ZNF521: variants seen among roughly 807,000 people sequenced by gnomAD.
ZNF521 encodes the protein LYST-interacting protein 3.
Under a neutral mutation model 105.5 loss-of-function variants are expected in ZNF521, and 14 were observed. The ratio of observed to expected loss-of-function variants is 0.13; its 90% CI spans 0.09 to 0.21. The LOEUF is 0.21. Among genes scored for constraint, ZNF521 ranks in the 10% least tolerant of loss-of-function variants. The pLI, the probability that ZNF521 is intolerant of heterozygous loss-of-function variation, is 1.00. For synonymous variants in ZNF521, 635 were observed against 606.0 expected (o/e 1.05, Z -0.70); for missense variants, 1,233 against 1,629.7 (o/e 0.76, Z 4.19).
chr18:25,288,121 C>T (rs979999018), intron 3 of ZNF521, among the ~76,000 whole-genome samples: 1 of 152,134 alleles, frequency 6.6e-6, no homozygotes, highest in African/African-American at 2.4e-5. Context: ...TGGGCAACAT[C>T]AATAAACTGG....
intron 4 of ZNF521, among the ~76,000 whole-genome samples, chr18:25,197,900 G>C (rs1256222886): frequency 6.6e-6 from 1 of 151,774 alleles, no homozygotes; most frequent in Non-Finnish European, 1.5e-5. Context: ...CCATACTCCA[G>C]GTATGATCTG....
At chr18:25,299,872 A>G (rs1377665514) in intron 3 of ZNF521, among the ~76,000 whole-genome samples, 2 of 152,200 alleles carry the variant, frequency 1.3e-5, no homozygotes, top group Non-Finnish European at 2.9e-5. Context: ...GTGGCAGATT[A>G]TGTTTCCCAA....
intron 5 of ZNF521, among the ~76,000 whole-genome samples, chr18:25,152,714 T>G (rs936737568): frequency 1.3e-5 from 2 of 152,204 alleles, no homozygotes; most frequent in Non-Finnish European, 2.9e-5. Context: ...CTCTCTTGAC[T>G]ACATACATCT....
intron 5 of ZNF521, among the ~76,000 whole-genome samples, chr18:25,141,685 A>G (rs1341088383): frequency 1.3e-5 from 2 of 152,098 alleles, no homozygotes; most frequent in Non-Finnish European, 2.9e-5. Flanking sequence ...AGTTTTCAGG[A>G]GAGTGTTTAT....
chr18:25,081,309 C>A lies in ZNF521; in HGVS notation c.3906+8156G>T, dbSNP rs768918500. Among the ~76,000 whole-genome samples, 3 of 152,112 alleles carry A rather than the reference C, an allele frequency of 2.0e-5. No homozygotes were observed. The East Asian group carries it at 5.8e-4, about 29-fold the overall frequency. ...ACAACAGGGCTGTTGGAGGAGGGAG[C>A]GAGTCCTAGAATGAAGAGGTGGTGC... On this transcript the variant is annotated intron_variant, in intron 7 of 7. Transcript: ENST00000361524.
chr18:25,209,531 A>T (rs2036142216), intron 4 of ZNF521, among the ~76,000 whole-genome samples: 1 of 152,248 alleles, frequency 6.6e-6, no homozygotes, highest in Non-Finnish European at 1.5e-5. Context: ...TGATTCATAC[A>T]GGGCATCGTC....
intron 5 of ZNF521, among the ~76,000 whole-genome samples, chr18:25,139,157 T>C (rs2144427091): frequency 6.6e-6 from 1 of 151,814 alleles, no homozygotes; most frequent in Admixed American, 6.6e-5. Flanking sequence ...GATGATGAAG[T>C]TGGGATTTCA....
At chr18:25,303,398 C>T (rs996727709) in intron 3 of ZNF521, among the ~76,000 whole-genome samples, 1 of 151,820 alleles carries the variant, frequency 6.6e-6, no homozygotes, top group African/African-American at 2.4e-5. Context: ...TCTGGGTTCA[C>T]GCCATTCTCC....
At chr18:25,231,523 C>A (rs561674206) in intron 3 of ZNF521, 35 of 152,344 alleles carry the variant, frequency 2.3e-4, no homozygotes, top group African/African-American at 8.2e-4. Context: ...GAGGAGGAAG[C>A]AGAGACTGGA....
chr18:25,127,556 A>G (rs900715299), intron 5 of ZNF521, among the ~76,000 whole-genome samples: 6 of 152,086 alleles, frequency 3.9e-5, no homozygotes, highest in African/African-American at 9.6e-5. Flanking sequence ...ATAATGTTTT[A>G]GAAAAAGACC....
chr18:25,157,000 A>G (rs1433594805), intron 5 of ZNF521, among the ~76,000 whole-genome samples: 1 of 152,104 alleles, frequency 6.6e-6, no homozygotes. Context: ...GGAGTTCGAG[A>G]CCAGCCTGGC....
At chr18:25,316,435 G>A (rs1329241475) in intron 3 of ZNF521, among the ~76,000 whole-genome samples, 1 of 112,530 alleles carries the variant, frequency 8.9e-6, no homozygotes, top group African/African-American at 3.4e-5. Flanking sequence ...AGCCAGGGGT[G>A]GGGGGTGGGG....
At position 25,137,010 on chromosome 18, in the gene ZNF521, C is replaced by T. The variant is rs985254058; in HGVS notation, c.3659-44929G>A. On this transcript the variant is annotated intron_variant, in intron 5 of 7. Transcript: ENST00000361524. ...TCTGACCTCCCAAAAGGATCCTCCT[C>T]TGTCTCCTTGTAACCCCCAGGATGA... 3.3e-5 allele frequency among the ~76,000 whole-genome samples: 5 copies of T among 152,270 alleles called. No homozygotes were observed. The Middle Eastern group carries it at 0.01, about 311-fold the overall frequency.
intron 4 of ZNF521, chr18:25,202,408 G>T (rs565539294): frequency 1.1e-4 from 16 of 152,122 alleles, no homozygotes; most frequent in Admixed American, 3.9e-4. Context: ...AAGTATATGA[G>T]AGCATGTACA....
At chr18:25,163,235 T>TA (rs1418659909) in intron 5 of ZNF521, among the ~76,000 whole-genome samples, 6 of 152,154 alleles carry the variant, frequency 3.9e-5, no homozygotes, top group African/African-American at 1.4e-4. Flanking sequence ...GTATGATAAA[T>TA]AAAATGGATC....
chr18:25,274,575 C>T (rs139385896), intron 3 of ZNF521, among the ~76,000 whole-genome samples: 1 of 152,208 alleles, frequency 6.6e-6, no homozygotes, highest in East Asian at 1.9e-4. Context: ...AATCTACCAA[C>T]ACAACAAAAT....
chr18:25,125,431 T>C (rs1010622122), intron 5 of ZNF521, among the ~76,000 whole-genome samples: 8 of 152,154 alleles, frequency 5.3e-5, no homozygotes, highest in Admixed American at 5.2e-4. Context: ...TATCAAGACA[T>C]ACCTCATGTT....
chr18:25,074,046 C>CACGTG (rs59746828), intron 7 of ZNF521, among the ~76,000 whole-genome samples: 20,069 of 142,090 alleles, frequency 0.14, 1,494 homozygotes, highest in Middle Eastern at 0.18. Flanking sequence ...ATGTGTGTGT[C>CACGTG]TGTGCACATG....
chr18:25,089,180 G>A (rs1438805220), intron 7 of ZNF521, among the ~76,000 whole-genome samples: 1 of 152,170 alleles, frequency 6.6e-6, no homozygotes, highest in African/African-American at 2.4e-5. Context: ...CAAGCAAGGT[G>A]AATGATCCCA....
Sources: allele counts gnomAD v4.1 joint callset (sites outside exome capture counted in the v4.1 genomes callset), GRCh38; gene constraint gnomAD v4.1.1; transcripts MANE v1.5; gene names NCBI Gene and HGNC (gene_info 2026-07-23, HGNC 2026-07-21).